The following ADARB2 variants were observed in gnomAD, a reference collection of about 807,000 sequenced individuals.
ADARB2 encodes the protein inactive double-stranded RNA-specific editase B2.
Under a neutral mutation model 62.2 loss-of-function variants are expected in ADARB2, and 25 were observed. The observed-to-expected ratio is 0.40, with a 90% CI of 0.29 to 0.56. The LOEUF (loss-of-function observed/expected upper bound fraction) is 0.56. ADARB2 is among the 20% of genes least tolerant of loss of function. The probability of loss-of-function intolerance (pLI) is 0.43; values close to 1 mark genes in which losing one functional copy is unlikely to be tolerated. For missense variants in ADARB2, 1,071 were observed against 1,077.4 expected (o/e 0.99, Z 0.08); for synonymous variants, 572 against 500.8 (o/e 1.14, Z -1.90).
chr10:1,351,669 C>T (rs917283321), intron 3 of ADARB2, among the ~76,000 whole-genome samples: 1 of 151,962 alleles, frequency 6.6e-6, no homozygotes, highest in South Asian at 2.1e-4. Flanking sequence ...CGATCATGCA[C>T]CCCTCACCAT....
chr10:1,708,034 G>A (rs910304345), intron 1 of ADARB2, among the ~76,000 whole-genome samples: 2 of 152,174 alleles, frequency 1.3e-5, no homozygotes, highest in Non-Finnish European at 2.9e-5. Context: ...AAAATGACAC[G>A]GTAGCTTGTG....
At chr10:1,503,894 A>G (rs1588280025) in intron 1 of ADARB2, among the ~76,000 whole-genome samples, 1 of 152,140 alleles carries the variant, frequency 6.6e-6, no homozygotes. Context: ...CCAGAAGTCA[A>G]GCAGATGCCA....
At chr10:1,544,573 G>C (rs1296913934) in intron 1 of ADARB2, among the ~76,000 whole-genome samples, 6 of 152,250 alleles carry the variant, frequency 3.9e-5, no homozygotes, top group Non-Finnish European at 7.4e-5. Context: ...CACAGCAGGT[G>C]GTGGCAGGAG....
At chr10:1,472,043 G>A (rs1373969274) in intron 1 of ADARB2, among the ~76,000 whole-genome samples, 1 of 152,190 alleles carries the variant, frequency 6.6e-6, no homozygotes, top group East Asian at 1.9e-4. Flanking sequence ...GCCCTCAGAG[G>A]AGACCCTAAA....
intron 1 of ADARB2, among the ~76,000 whole-genome samples, chr10:1,631,270 A>G (rs1237444130): frequency 1.3e-5 from 2 of 151,572 alleles, no homozygotes; most frequent in East Asian, 1.9e-4. Context: ...ATTCCATTCA[A>G]TGAGGCCTGT....
intron 1 of ADARB2, among the ~76,000 whole-genome samples, chr10:1,658,058 GTCTC>G (rs755997780): frequency 1.2e-4 from 18 of 148,072 alleles, no homozygotes; most frequent in East Asian, 1.0e-3. Flanking sequence ...TGTCTCTACT[GTCTC>G]TCTCTGTGTC....
chr10:1,181,928 T>C lies in ADARB2; in HGVS notation c.*1265A>G, dbSNP rs10903399. ...CTGACCCCGTATGAATACAGCGCCT[T>C]GGCTCTCAGGGATGATGCTGTGGGC... On this transcript the variant is annotated 3_prime_UTR_variant, in exon 10 of 10. Coordinates refer to ENST00000381312, the MANE Select transcript of ADARB2 (RefSeq NM_018702.4). The C allele has an allele frequency of 0.34, 51,752 of 152,134 alleles. 8,863 individuals are homozygous for C. The highest frequency in any genetic ancestry group is 0.4 in the Admixed American group (6,151 of 15,284). The allele number at this position is 152,134 out of a possible 1,614,324, so 9.4% of individuals were successfully genotyped here. A position where few individuals can be genotyped will look rare whatever the true frequency, so the allele number is the denominator to read the frequency against.
Position 1,704,994 on chromosome 10 carries a change from C to T in ADARB2, c.100+32057G>A, listed in dbSNP as rs1239682546. 6.6e-6 allele frequency among the ~76,000 whole-genome samples: 1 copy of T among 152,100 alleles called. No individual in the cohort carries two copies. The highest frequency in any genetic ancestry group is 1.5e-5 in the Non-Finnish European group (1 of 68,020). On this transcript the variant is annotated intron_variant, in intron 1 of 9. Coordinates refer to ENST00000381312, the MANE Select transcript of ADARB2 (RefSeq NM_018702.4). The surrounding 1 kb of genome is among the most constrained non-coding windows in gnomAD (Gnocchi z 5.6). ...TGAGCACAGACCCACAGGCAAAGCC[C>T]TGGGAGAAGTCCTTTCAAAGCTTTT...
At chr10:1,576,383 G>T (rs1350973990) in intron 1 of ADARB2, among the ~76,000 whole-genome samples, 1 of 150,866 alleles carries the variant, frequency 6.6e-6, no homozygotes, top group Non-Finnish European at 1.5e-5. Flanking sequence ...ACAGGAGGGG[G>T]CTCAGAGTCA....
At chr10:1,674,834 G>C (rs923491956) in intron 1 of ADARB2, among the ~76,000 whole-genome samples, 7 of 152,068 alleles carry the variant, frequency 4.6e-5, no homozygotes, top group African/African-American at 1.7e-4. Context: ...CTTTTCTGCT[G>C]TCTGCAAGAT....
At chr10:1,210,514 C>T (rs1320345253) in intron 7 of ADARB2, among the ~76,000 whole-genome samples, 1 of 152,198 alleles carries the variant, frequency 6.6e-6, no homozygotes, top group African/African-American at 2.4e-5. Context: ...ACCTCTGGAG[C>T]CCTGGCCAAA....
chr10:1,619,997 C>G (rs1439112241), intron 1 of ADARB2, among the ~76,000 whole-genome samples: 4 of 152,074 alleles, frequency 2.6e-5, no homozygotes, highest in African/African-American at 9.7e-5. Flanking sequence ...AAAAATTTAA[C>G]TGCACTAAAA....
intron 1 of ADARB2, among the ~76,000 whole-genome samples, chr10:1,544,956 T>TATAAACACACACACACACACAC (rs10526252): frequency 5.2e-5 from 7 of 133,848 alleles, no homozygotes; most frequent in African/African-American, 1.9e-4. Context: ...TAGCAAAGTA[T>TATAAACACACACACACACACAC]ACACACACAC....
chr10:1,305,564 C>G (rs1417978034), intron 3 of ADARB2, among the ~76,000 whole-genome samples: 10 of 152,294 alleles, frequency 6.6e-5, no homozygotes, highest in Admixed American at 2.0e-4. Context: ...AGGCCAGCAT[C>G]ATTCTGATAC....
intron 8 of ADARB2, among the ~76,000 whole-genome samples, chr10:1,191,288 C>T (rs888290985): frequency 1.8e-4 from 27 of 152,362 alleles, no homozygotes; most frequent in Non-Finnish European, 3.7e-4. Flanking sequence ...GAGAGCAGTT[C>T]TGTGCCACTG....
At chr10:1,508,726 A>C (rs984311583) in intron 1 of ADARB2, among the ~76,000 whole-genome samples, 1 of 152,144 alleles carries the variant, frequency 6.6e-6, no homozygotes, top group Non-Finnish European at 1.5e-5. Context: ...TTGCAGTGAG[A>C]TAGCTGAGAT....
intron 3 of ADARB2, among the ~76,000 whole-genome samples, chr10:1,310,969 G>C (rs1831684433): frequency 6.6e-6 from 1 of 152,172 alleles, no homozygotes; most frequent in Non-Finnish European, 1.5e-5. Context: ...AGTAAATGTG[G>C]ATTTCGATTA....
At chr10:1,472,690 A>G (rs17156375) in intron 1 of ADARB2, among the ~76,000 whole-genome samples, 1 of 152,182 alleles carries the variant, frequency 6.6e-6, no homozygotes, top group South Asian at 2.1e-4. Flanking sequence ...GCTCTGTGCA[A>G]TCACTTTTTG....
intron 1 of ADARB2, among the ~76,000 whole-genome samples, chr10:1,640,097 C>T (rs1441907817): frequency 6.6e-6 from 1 of 152,194 alleles, no homozygotes; most frequent in Non-Finnish European, 1.5e-5. Flanking sequence ...TACTTACATA[C>T]CTCTAGTGAT....
Sources: allele counts gnomAD v4.1 joint callset (sites outside exome capture counted in the v4.1 genomes callset), GRCh38; gene constraint gnomAD v4.1.1; non-coding constraint Gnocchi (gnomAD v3.1); transcripts MANE v1.5; gene names NCBI Gene and HGNC (gene_info 2026-07-23, HGNC 2026-07-21).